The following SV2C variants were observed in gnomAD, a reference collection of about 807,000 sequenced individuals.
SV2C encodes solute carrier family 22 member B3.
A neutral mutation model predicts 79.7 loss-of-function variants in SV2C; 49 were observed. The ratio of observed to expected loss-of-function variants is 0.61; its 90% CI spans 0.49 to 0.78. SV2C has a LOEUF of 0.78. Ranked by LOEUF, SV2C falls within the 30% of genes least tolerant of loss-of-function variation. The pLI is 0.00. For synonymous variants in SV2C, 334 were observed against 333.2 expected (o/e 1.00, Z -0.03); for missense variants, 833 against 912.9 (o/e 0.91, Z 1.13).
At chr5:76,177,225 T>G (rs1316595756) in intron 2 of SV2C, among the ~76,000 whole-genome samples, 2 of 57,188 alleles carry the variant, frequency 3.5e-5, no homozygotes, top group African/African-American at 2.1e-4. Flanking sequence ...TACAAATATA[T>G]TAATCTGTAT....
the SV2C span, among the ~76,000 whole-genome samples, chr5:75,901,154 A>G: frequency 6.6e-6 from 1 of 152,104 alleles, no homozygotes; most frequent in Admixed American, 6.6e-5. Context: ...GGAAGAGGAG[A>G]GTCGCTCTGC....
At chr5:76,027,207 G>A in the SV2C span, among the ~76,000 whole-genome samples, 63,012 of 151,030 alleles carry the variant, frequency 0.42, 15,168 homozygotes, top group Middle Eastern at 0.59. Flanking sequence ...GATTACAGGC[G>A]CCCACCACCA....
intron 4 of SV2C, among the ~76,000 whole-genome samples, chr5:76,275,223 C>T (rs2972836): frequency 6.6e-6 from 1 of 152,092 alleles, no homozygotes; most frequent in Non-Finnish European, 1.5e-5. Context: ...TGCAGTGGCT[C>T]ACGCCTGTAA....
chr5:75,945,054 T>A, the SV2C span, among the ~76,000 whole-genome samples: 1 of 152,140 alleles, frequency 6.6e-6, no homozygotes, highest in African/African-American at 2.4e-5. Flanking sequence ...AACACTGAGA[T>A]GCCCCAGATG....
rs1234781653 is a variant in SV2C, at chr5:76,285,222, T to C, written c.974T>C (p.Val325Ala). 6.2e-7 allele frequency: 1 copy of C among 1,614,216 alleles called. No individual in the cohort carries two copies. Among genetic ancestry groups the C allele is most frequent in the Admixed American group, 1.7e-5 (1 of 60,034 alleles). The change falls in exon 5 of 13, where the codon GTC becomes GCC. Residue 325 changes from valine (V) to alanine (A), a missense_variant. Physicochemically the swap from Val to Ala is moderately conservative, Grantham distance 64. Transcript: ENST00000502798. ...QFHSWRVFVI[V>A]CALPCVSSVV... ...CACAGTTGGCGTGTGTTTGTCATCGTCTGTGCACTCCCCTGTGTCTCCTCC... is the reference window on the plus strand; with the variant it reads ...CACAGTTGGCGTGTGTTTGTCATCGCCTGTGCACTCCCCTGTGTCTCCTCC...
chr5:76,017,669 C>T, the SV2C span, among the ~76,000 whole-genome samples: 4 of 152,120 alleles, frequency 2.6e-5, no homozygotes, highest in Admixed American at 1.3e-4. Context: ...ATTATTTAAC[C>T]AACACAAAAA....
intron 4 of SV2C, among the ~76,000 whole-genome samples, chr5:76,252,276 T>G (rs1179525547): frequency 6.6e-6 from 1 of 152,138 alleles, no homozygotes; most frequent in African/African-American, 2.4e-5. Context: ...CCCACCACCA[T>G]GCCCAGCTAA....
intron 1 of SV2C, among the ~76,000 whole-genome samples, chr5:76,085,269 G>T (rs1235340597): frequency 6.6e-6 from 1 of 152,176 alleles, no homozygotes. Context: ...AGGATTTTTG[G>T]CAGGAGGCCT....
At chr5:76,034,595 A>C in the SV2C span, among the ~76,000 whole-genome samples, 1 of 152,184 alleles carries the variant, frequency 6.6e-6, no homozygotes, top group Non-Finnish European at 1.5e-5. Flanking sequence ...CCCAGGGATG[A>C]AGCCCACTTG....
the SV2C span, among the ~76,000 whole-genome samples, chr5:76,036,054 C>G: frequency 3.3e-5 from 5 of 151,992 alleles, no homozygotes; most frequent in African/African-American, 7.3e-5. Context: ...TTATCAGAGA[C>G]TAGGATTGCA....
the SV2C span, among the ~76,000 whole-genome samples, chr5:76,019,183 G>A: frequency 7.2e-5 from 11 of 152,156 alleles, no homozygotes; most frequent in African/African-American, 2.7e-4. Context: ...AGAGAAGCAT[G>A]TATGGAGTTC....
chr5:75,851,790 C>T, the SV2C span, among the ~76,000 whole-genome samples: 1 of 152,224 alleles, frequency 6.6e-6, no homozygotes, highest in Non-Finnish European at 1.5e-5. Flanking sequence ...GCTGGGACTA[C>T]AGGCGCATGG....
chr5:75,987,569 C>G, the SV2C span, among the ~76,000 whole-genome samples: 1 of 151,952 alleles, frequency 6.6e-6, no homozygotes, highest in African/African-American at 2.4e-5. Context: ...GTGAAGAAAA[C>G]AAAACCCCTG....
the SV2C span, among the ~76,000 whole-genome samples, chr5:75,909,187 G>A: frequency 6.6e-6 from 1 of 152,298 alleles, no homozygotes; most frequent in Non-Finnish European, 1.5e-5. Context: ...GCCATGCAAA[G>A]CACAGCAAAA....
the SV2C span, among the ~76,000 whole-genome samples, chr5:76,032,023 G>A: frequency 1.3e-5 from 2 of 152,064 alleles, no homozygotes; most frequent in Non-Finnish European, 2.9e-5. Flanking sequence ...CTACTAAAAT[G>A]GGAAGACTCT....
chr5:76,153,634 A>G (rs1423183857), intron 2 of SV2C, among the ~76,000 whole-genome samples: 1 of 152,224 alleles, frequency 6.6e-6, no homozygotes, highest in Admixed American at 6.5e-5. Flanking sequence ...TACAGATGCT[A>G]TACCAAGGAG....
At chr5:76,245,932 G>GTA (rs879443464) in intron 4 of SV2C, among the ~76,000 whole-genome samples, 5,170 of 139,504 alleles carry the variant, frequency 0.037, 86 homozygotes, top group Non-Finnish European at 0.052. Flanking sequence ...GTGTGTGTGT[G>GTA]TGTATGTGTG....
chr5:76,199,873 C>G (rs563661452), intron 3 of SV2C, among the ~76,000 whole-genome samples: 2 of 152,322 alleles, frequency 1.3e-5, no homozygotes, highest in South Asian at 4.1e-4. Context: ...AGACCCAGAA[C>G]CAACTGAATG....
At chr5:76,026,508 C>A in the SV2C span, among the ~76,000 whole-genome samples, 1 of 152,150 alleles carries the variant, frequency 6.6e-6, no homozygotes, top group African/African-American at 2.4e-5. Flanking sequence ...AGAAACAACA[C>A]AAAGCAAGGT....
Sources: allele counts gnomAD v4.1 joint callset (sites outside exome capture counted in the v4.1 genomes callset), GRCh38; gene constraint gnomAD v4.1.1; transcripts MANE v1.5; gene names NCBI Gene and HGNC (gene_info 2026-07-23, HGNC 2026-07-21).